MPPED2: variants seen among roughly 807,000 people sequenced by gnomAD.
The protein encoded by MPPED2 is metallophosphoesterase domain containing 2.
In MPPED2, 5 loss-of-function variants were observed where a neutral mutation model predicts 33.0. The observed-to-expected ratio is 0.15, with a 90% CI of 0.08 to 0.32. The LOEUF is 0.32. Ranked by LOEUF, MPPED2 falls within the 10% of genes least tolerant of loss-of-function variation. MPPED2 has a pLI of 1.00. For synonymous variants in MPPED2, 136 were observed against 141.9 expected (o/e 0.96, Z 0.29); for missense variants, 275 against 372.1 (o/e 0.74, Z 2.15).
Position 30,523,076 on chromosome 11 carries a change from A to T in MPPED2, c.310+12918T>A, listed in dbSNP as rs568220954. Among the ~76,000 whole-genome samples, 6 of 152,322 alleles carry T rather than the reference A, an allele frequency of 3.9e-5. No individual in the cohort carries two copies. The South Asian group carries it at 8.3e-4, about 21-fold the overall frequency. On this transcript the variant is annotated intron_variant, in intron 3 of 6. Coordinates refer to ENST00000358117, the MANE Select transcript of MPPED2 (RefSeq NM_001584.3). Reference sequence around the variant, plus strand: ...TGGCACATGTAATCACTAAGTGACCACAGGGGTCAGGCAGAGTAGAGCCCT... The same window carrying T: ...TGGCACATGTAATCACTAAGTGACCTCAGGGGTCAGGCAGAGTAGAGCCCT...
intron 1 of MPPED2, among the ~76,000 whole-genome samples, chr11:30,585,197 A>G (rs1590958164): frequency 6.6e-6 from 1 of 152,254 alleles, no homozygotes; most frequent in Admixed American, 6.5e-5. Context: ...CTGCCTCTGT[A>G]GAGAAGAAAT....
At position 30,443,443 on chromosome 11, in the gene MPPED2, C is replaced by T. The variant is rs188627942; in HGVS notation, c.537-25810G>A. The stretch of plus-strand genomic sequence containing the variant: ...TGGTCTGTCTGACTTCAGGGTCAGG[C>T]TTTTGTCTCATTGTCTTCCTTATAT... On this transcript the variant is annotated intron_variant, in intron 4 of 6. Transcript: ENST00000358117. 6.6e-5 allele frequency among the ~76,000 whole-genome samples: 10 copies of T among 152,160 alleles called. No homozygotes were observed. In the East Asian group the frequency reaches 1.4e-3, roughly 21 times the overall value.
intron 4 of MPPED2, among the ~76,000 whole-genome samples, chr11:30,480,532 A>G (rs887755299): frequency 6.6e-6 from 1 of 152,148 alleles, no homozygotes; most frequent in Non-Finnish European, 1.5e-5. Context: ...AACAAAGCCA[A>G]TAAATCAAGC....
intron 4 of MPPED2, among the ~76,000 whole-genome samples, chr11:30,472,159 T>C (rs1481768979): frequency 6.6e-6 from 1 of 152,126 alleles, no homozygotes; most frequent in Non-Finnish European, 1.5e-5. Flanking sequence ...AGTCTAACAA[T>C]TTGAGACCAG....
downstream of MPPED2, among the ~76,000 whole-genome samples, chr11:30,405,742 T>C (rs1225100231): frequency 2.0e-5 from 3 of 152,204 alleles, no homozygotes; most frequent in Non-Finnish European, 4.4e-5. Context: ...TACATTTTTA[T>C]TTTTGCCCTC....
At chr11:30,542,223 T>C (rs1565168188) in intron 2 of MPPED2, among the ~76,000 whole-genome samples, 1 of 152,164 alleles carries the variant, frequency 6.6e-6, no homozygotes, top group Non-Finnish European at 1.5e-5. Context: ...TAATAGTTTT[T>C]ACAGAAATAT....
At chr11:30,501,729 T>C (rs1952572443) in intron 3 of MPPED2, 1 of 407,636 alleles carries the variant, frequency 2.5e-6, no homozygotes, top group Non-Finnish European at 3.3e-6. Context: ...AAGGAATAGA[T>C]GAAAAGTTTA....
chr11:30,517,819 C>T (rs566584054), intron 3 of MPPED2, among the ~76,000 whole-genome samples: 1 of 152,174 alleles, frequency 6.6e-6, no homozygotes, highest in Admixed American at 6.5e-5. Context: ...GAAGGAGTCT[C>T]CATAATTACC....
intron 2 of MPPED2, among the ~76,000 whole-genome samples, chr11:30,541,031 A>T (rs1373917700): frequency 6.6e-6 from 1 of 152,228 alleles, no homozygotes; most frequent in Non-Finnish European, 1.5e-5. Context: ...TGAGCTGTTC[A>T]TCAAAGACAG....
intron 2 of MPPED2, among the ~76,000 whole-genome samples, chr11:30,548,096 T>TCC (rs1955521708): frequency 1.3e-5 from 2 of 152,194 alleles, no homozygotes; most frequent in Admixed American, 1.3e-4. Context: ...ACTACCTGGG[T>TCC]ATGACACTCT....
chr11:30,585,579 G>T (rs993614386), intron 1 of MPPED2, among the ~76,000 whole-genome samples: 7 of 151,976 alleles, frequency 4.6e-5, no homozygotes, highest in Non-Finnish European at 1.0e-4. Flanking sequence ...CTGAGCCCTC[G>T]TCCCCACCCC....
In MPPED2 at chr11:30,484,364, A is replaced by G. The variant is rs139965577; in HGVS notation, c.536+10932T>C. Among the ~76,000 whole-genome samples the G allele has an allele frequency of 3.0e-3, 450 of 152,236 alleles. 2 individuals are homozygous for G. The highest frequency in any genetic ancestry group is 0.011 in the African/African-American group (437 of 41,508). On this transcript the variant is annotated intron_variant, in intron 4 of 6. Transcript: ENST00000358117. Reference sequence around the variant, plus strand: ...ATTTTATACTTGGACATTATTAGTTATAGTAACTGTATTTACACTTTAACC... The same window carrying G: ...ATTTTATACTTGGACATTATTAGTTGTAGTAACTGTATTTACACTTTAACC...
chr11:30,393,486 A>C lies in MPPED2; in HGVS notation c.767-4530T>G, dbSNP rs562443076. ...CAAACCAAATCAGCTCTGTCCAGGG[A>C]TGGTTTGGCACAACCTCCTGCAATT... is the stretch of plus-strand genomic sequence containing the variant. On this transcript the variant is annotated intron_variant, in intron 6 of 6. Transcript: ENST00000448418. Among the ~76,000 whole-genome samples the C allele has an allele frequency of 9.9e-5, 15 of 152,164 alleles. No homozygotes were observed. The South Asian group carries it at 2.3e-3, about 23-fold the overall frequency.
At chr11:30,521,842 G>A (rs575199794) in intron 3 of MPPED2, among the ~76,000 whole-genome samples, 1 of 152,278 alleles carries the variant, frequency 6.6e-6, no homozygotes, top group South Asian at 2.1e-4. Context: ...GCCCCTTGGA[G>A]CTCTGTGACC....
chr11:30,514,503 G>T (rs1193237394), intron 3 of MPPED2, among the ~76,000 whole-genome samples: 2 of 152,096 alleles, frequency 1.3e-5, no homozygotes, highest in Non-Finnish European at 2.9e-5. Context: ...ACTGCTTTGT[G>T]CCTGGACATT....
At chr11:30,421,456 A>G (rs1948607376) in intron 4 of MPPED2, among the ~76,000 whole-genome samples, 1 of 150,832 alleles carries the variant, frequency 6.6e-6, no homozygotes, top group Non-Finnish European at 1.5e-5. Flanking sequence ...TATGAGAAGA[A>G]GAGCAGTTAT....
At chr11:30,474,216 C>T (rs944843741) in intron 4 of MPPED2, among the ~76,000 whole-genome samples, 2 of 152,186 alleles carry the variant, frequency 1.3e-5, no homozygotes, top group Non-Finnish European at 2.9e-5. Flanking sequence ...ACCACCACCA[C>T]GGTTGAGAGT....
chr11:30,452,056 A>G (rs1950086344), intron 4 of MPPED2: 2 of 985,442 alleles, frequency 2.0e-6, no homozygotes, highest in Non-Finnish European at 2.4e-6. Flanking sequence ...AATGCTGCCC[A>G]AAGCCACCTC....
rs141430312 is a variant in MPPED2, at chr11:30,581,951, C to T, written c.-121-1457G>A. Among the ~76,000 whole-genome samples, 99 of 152,124 alleles carry T rather than the reference C, an allele frequency of 6.5e-4. 1 individual carries two copies. Among genetic ancestry groups the T allele is most frequent in the African/African-American group, 2.3e-3 (95 of 41,478 alleles). On this transcript the variant is annotated intron_variant, in intron 1 of 6. Transcript: ENST00000358117. ...TCATGGGAGGTATGAGTCTTTTAAGCGCCAGATGATAGACAACCAGGCCAG... is the reference window on the plus strand; with the variant it reads ...TCATGGGAGGTATGAGTCTTTTAAGTGCCAGATGATAGACAACCAGGCCAG...
Sources: allele counts gnomAD v4.1 joint callset (sites outside exome capture counted in the v4.1 genomes callset), GRCh38; gene constraint gnomAD v4.1.1; transcripts MANE v1.5; gene names NCBI Gene and HGNC (gene_info 2026-07-23, HGNC 2026-07-21).